The following BTBD9 variants were observed in gnomAD, a reference collection of about 807,000 sequenced individuals.
BTBD9 encodes the protein BTB/POZ domain-containing protein 9.
In BTBD9, 49 loss-of-function variants were observed where a neutral mutation model predicts 64.3. That is an observed-to-expected ratio of 0.76 (90% CI 0.61 to 0.97). BTBD9 has a LOEUF of 0.97. BTBD9 is among the 50% of genes least tolerant of loss of function. The pLI is 0.00. For missense variants in BTBD9, 598 were observed against 762.1 expected, an observed-to-expected ratio of 0.78 and a Z score of 2.53; for synonymous variants, 260 against 274.7, an observed-to-expected ratio of 0.95 and a Z score of 0.53.
chr6:38,187,307 G>A (rs560461172), intron 10 of BTBD9, among the ~76,000 whole-genome samples: 23 of 152,260 alleles, frequency 1.5e-4, no homozygotes, highest in Non-Finnish European at 2.8e-4. Flanking sequence ...GCAGGTGAAC[G>A]ACCACACAGG....
At chr6:38,405,174 A>G (rs983716777) in intron 6 of BTBD9, among the ~76,000 whole-genome samples, 1 of 152,194 alleles carries the variant, frequency 6.6e-6, no homozygotes, top group Non-Finnish European at 1.5e-5. Context: ...CAGAATGCTA[A>G]ATAGACAATC....
chr6:38,621,883 A>C (rs183317868), intron 1 of BTBD9, among the ~76,000 whole-genome samples: 204 of 152,320 alleles, frequency 1.3e-3, no homozygotes, highest in African/African-American at 4.7e-3. Context: ...ATACCTATGG[A>C]AGGACCCTTG....
At chr6:38,195,456 G>A (rs1394215905) in intron 9 of BTBD9, among the ~76,000 whole-genome samples, 4 of 152,208 alleles carry the variant, frequency 2.6e-5, no homozygotes, top group African/African-American at 9.7e-5. Context: ...GCGCTGAGAG[G>A]AGGGTGTTTG....
intron 6 of BTBD9, among the ~76,000 whole-genome samples, chr6:38,368,335 C>T (rs1247255422): frequency 6.6e-6 from 1 of 152,008 alleles, no homozygotes; most frequent in Non-Finnish European, 1.5e-5. Context: ...CTCCTTTACC[C>T]TTTTTTTAGG....
chr6:38,234,557 A>G (rs984168911), intron 9 of BTBD9, among the ~76,000 whole-genome samples: 2 of 152,246 alleles, frequency 1.3e-5, no homozygotes, highest in Non-Finnish European at 2.9e-5. Context: ...AAGTAAATCC[A>G]TTATATTTTA....
intron 1 of BTBD9, among the ~76,000 whole-genome samples, chr6:38,621,377 C>T (rs926538755): frequency 6.6e-5 from 10 of 152,202 alleles, no homozygotes; most frequent in Admixed American, 2.0e-4. Flanking sequence ...GTAGCCCAGA[C>T]TTATGCCGCC....
At chr6:38,615,771 A>C (rs1777763947) in intron 1 of BTBD9, among the ~76,000 whole-genome samples, 1 of 152,246 alleles carries the variant, frequency 6.6e-6, no homozygotes, top group Non-Finnish European at 1.5e-5. Flanking sequence ...CAGTGCCTAG[A>C]AAAGTACCTG....
intron 9 of BTBD9, among the ~76,000 whole-genome samples, chr6:38,253,787 C>T (rs183346460): frequency 6.6e-6 from 1 of 152,194 alleles, no homozygotes; most frequent in East Asian, 1.9e-4. Flanking sequence ...GATAAATTAA[C>T]CACTTTGTTT....
intron 9 of BTBD9, among the ~76,000 whole-genome samples, chr6:38,193,227 TC>T (rs1762157268): frequency 6.6e-6 from 1 of 152,104 alleles, no homozygotes; most frequent in Admixed American, 6.5e-5. Context: ...GCTACTCAGC[TC>T]GGCAGGCTTC....
At chr6:38,588,095 G>A (rs1375986660) in intron 4 of BTBD9, 2 of 733,348 alleles carry the variant, frequency 2.7e-6, no homozygotes, top group African/African-American at 3.4e-5. Flanking sequence ...GGCTAGCTAT[G>A]GTGCACCGTG....
chr6:38,608,613 G>A (rs1033230742), intron 1 of BTBD9, among the ~76,000 whole-genome samples: 1 of 152,110 alleles, frequency 6.6e-6, no homozygotes, highest in African/African-American at 2.4e-5. Flanking sequence ...TCTGTGTAAA[G>A]GAAATTGGCT....
At chr6:38,571,300 C>T (rs189190160) in intron 6 of BTBD9, among the ~76,000 whole-genome samples, 47 of 152,152 alleles carry the variant, frequency 3.1e-4, no homozygotes, top group African/African-American at 9.6e-4. Context: ...CAGTTATGGG[C>T]AGAGGTGTAG....
chr6:38,265,704 G>T (rs998425003), intron 8 of BTBD9, among the ~76,000 whole-genome samples: 1 of 151,926 alleles, frequency 6.6e-6, no homozygotes, highest in African/African-American at 2.4e-5. Flanking sequence ...TTTTTTTGTA[G>T]AGAAGGTGAT....
chr6:38,249,974 G>A (rs1275031965), intron 9 of BTBD9, among the ~76,000 whole-genome samples: 1 of 152,150 alleles, frequency 6.6e-6, no homozygotes, highest in Non-Finnish European at 1.5e-5. Context: ...AGGATCTATA[G>A]TTTCTGACCA....
intron 6 of BTBD9, among the ~76,000 whole-genome samples, 157 bp downstream of exon 6, chr6:38,577,443 A>C (rs1582661000): frequency 6.6e-6 from 1 of 152,168 alleles, no homozygotes; most frequent in African/African-American, 2.4e-5. Flanking sequence ...AAGATGCATG[A>C]TTTTCCATAC....
chr6:38,448,336 G>A (rs142132167), intron 6 of BTBD9, among the ~76,000 whole-genome samples: 5 of 152,306 alleles, frequency 3.3e-5, no homozygotes, highest in East Asian at 1.9e-4. Context: ...TAAGAGGGAA[G>A]GTGACGGTGG....
intron 10 of BTBD9, among the ~76,000 whole-genome samples, chr6:38,191,728 G>A (rs887701007): frequency 6.6e-6 from 1 of 152,236 alleles, no homozygotes; most frequent in African/African-American, 2.4e-5. Context: ...TCAGGGAGCG[G>A]GTGGCTGAGA....
At position 38,592,829 on chromosome 6, in the gene BTBD9, T is replaced by G; in HGVS notation, c.561A>C (p.Leu187Phe). ...GFLSLSKTAL[L>F]NIVLRDSFAA... Reference sequence around the variant, plus strand: ...CAAATGAGTCTCTTAACACGATGTTTAAAAGTGCTGTCTGAAAAGGATAAA... The same window carrying G: ...CAAATGAGTCTCTTAACACGATGTTGAAAAGTGCTGTCTGAAAAGGATAAA... Residue 187 changes from leucine to phenylalanine, a missense_variant, in exon 4 of 11, where the codon TTA becomes TTC. Leu to Phe is a conservative substitution (Grantham distance 22). Coordinates refer to ENST00000481247, the MANE Select transcript of BTBD9 (RefSeq NM_001099272.2). 6.2e-7 allele frequency: 1 copy of G among 1,613,958 alleles called. No individual in the cohort carries two copies. Among genetic ancestry groups the G allele is most frequent in the African/African-American group, 1.3e-5 (1 of 75,058 alleles).
chr6:38,575,845 T>A (rs1010339113), intron 6 of BTBD9, among the ~76,000 whole-genome samples: 1 of 152,130 alleles, frequency 6.6e-6, no homozygotes, highest in East Asian at 1.9e-4. Context: ...CCTTCATGAA[T>A]ACAGCCAGTC....
Sources: gnomAD v4.1 joint callset for allele counts (sites outside exome capture counted in the v4.1 genomes callset) on GRCh38, gnomAD v4.1.1 for gene constraint, MANE v1.5 for transcripts, NCBI Gene and HGNC (gene_info 2026-07-23, HGNC 2026-07-21) for gene names.